The following BMERB1 variants were observed in gnomAD, a reference collection of about 807,000 sequenced individuals.
BMERB1 encodes the protein bMERB domain containing 1.
A neutral mutation model predicts 23.6 loss-of-function variants in BMERB1; 12 were observed. The observed-to-expected ratio is 0.51, with a 90% confidence interval of 0.33 to 0.82. The LOEUF (loss-of-function observed/expected upper bound fraction) is 0.82. BMERB1 is among the 40% of genes least tolerant of loss of function. BMERB1 has a pLI of 0.03. For missense variants in BMERB1, 247 were observed against 255.4 expected (o/e 0.97, Z 0.22); for synonymous variants, 122 against 96.6 (o/e 1.26, Z -1.54).
chr16:15,575,809 G>C (rs1285336022), intron 3 of BMERB1, among the ~76,000 whole-genome samples: 1 of 151,832 alleles, frequency 6.6e-6, no homozygotes, highest in Non-Finnish European at 1.5e-5. Flanking sequence ...ATTGGTCGCA[G>C]AAAGCTTTTG....
chr16:15,520,608 C>T lies in BMERB1; in HGVS notation c.230+5180C>T, dbSNP rs180927268. Among the ~76,000 whole-genome samples, 292 of 151,888 alleles carry T rather than the reference C, an allele frequency of 1.9e-3. 2 individuals are homozygous for T. Among genetic ancestry groups the T allele is most frequent in the Middle Eastern group, 0.017 (5 of 294 alleles). ...ACGCCATTCTCCTGCCTCAGCCTCC[C>T]GAGTAGCTGGGACTACAGGCGCCCG... On this transcript the variant is annotated intron_variant, in intron 2 of 5. Coordinates refer to ENST00000300006, the MANE Select transcript of BMERB1 (RefSeq NM_033201.3).
chr16:15,556,486 T>C (rs2030262335), intron 2 of BMERB1, among the ~76,000 whole-genome samples: 2 of 152,216 alleles, frequency 1.3e-5, no homozygotes, highest in Non-Finnish European at 2.9e-5. Context: ...GAGATCTGCA[T>C]TGAGATCTGG....
chr16:15,435,134 G>A (rs1343122472), intron 1 of BMERB1, among the ~76,000 whole-genome samples: 1 of 152,246 alleles, frequency 6.6e-6, no homozygotes, highest in East Asian at 1.9e-4. Context: ...CTGGAGACGC[G>A]GGACCGTCCT....
chr16:15,489,676 G>A (rs954589074), intron 1 of BMERB1, among the ~76,000 whole-genome samples: 1 of 152,156 alleles, frequency 6.6e-6, no homozygotes, highest in African/African-American at 2.4e-5. Context: ...ATTTTCTGAC[G>A]TGGGTCCTCC....
chr16:15,443,811 C>T (rs990751045), intron 1 of BMERB1, among the ~76,000 whole-genome samples: 1 of 151,794 alleles, frequency 6.6e-6, no homozygotes, highest in Non-Finnish European at 1.5e-5. Context: ...TCCAGCTACT[C>T]GGGAGCCTGA....
intron 3 of BMERB1, among the ~76,000 whole-genome samples, chr16:15,568,796 C>CT (rs2030648610): frequency 6.6e-6 from 1 of 152,136 alleles, no homozygotes; most frequent in Non-Finnish European, 1.5e-5. Context: ...TGTACAAACT[C>CT]TAACTTTGAA....
chr16:15,444,856 C>G (rs1296303196), intron 1 of BMERB1, among the ~76,000 whole-genome samples: 1 of 152,082 alleles, frequency 6.6e-6, no homozygotes, highest in African/African-American at 2.4e-5. Context: ...TGTATCTGTT[C>G]TCAATAATAA....
intron 3 of BMERB1, among the ~76,000 whole-genome samples, chr16:15,574,941 TG>T (rs903774325): frequency 6.6e-5 from 10 of 152,074 alleles, no homozygotes; most frequent in Non-Finnish European, 1.3e-4. Context: ...TAGCCGCGTG[TG>T]GTGGCGCCTG....
At chr16:15,529,015 G>GTGTTTGTT (rs369446865) in intron 2 of BMERB1, among the ~76,000 whole-genome samples, 6,258 of 151,580 alleles carry the variant, frequency 0.041, 417 homozygotes, top group African/African-American at 0.13. Context: ...TGAAAAATAA[G>GTGTTTGTT]TGTTTGTTTG....
At chr16:15,583,656 T>A (rs2031071925) in intron 5 of BMERB1, among the ~76,000 whole-genome samples, 1 of 149,190 alleles carries the variant, frequency 6.7e-6, no homozygotes, top group Admixed American at 6.7e-5. Context: ...TTTCTAGAGA[T>A]CAGATCTAGA....
chr16:15,566,791 C>T (rs1321528319), intron 2 of BMERB1, among the ~76,000 whole-genome samples: 2 of 152,022 alleles, frequency 1.3e-5, no homozygotes, highest in Admixed American at 6.6e-5. Flanking sequence ...ATGATCAAGA[C>T]TATTAAAGAT....
At chr16:15,499,417 C>CA (rs964451309) in intron 1 of BMERB1, among the ~76,000 whole-genome samples, 133 of 145,638 alleles carry the variant, frequency 9.1e-4, no homozygotes, top group Admixed American at 1.9e-3. Flanking sequence ...AAATAAAAAA[C>CA]AAAAAAAAAA....
chr16:15,554,738 C>T (rs764235195), intron 2 of BMERB1, among the ~76,000 whole-genome samples: 69 of 151,328 alleles, frequency 4.6e-4, no homozygotes, highest in Non-Finnish European at 2.2e-4. Context: ...ATGATCTCAG[C>T]GCACTGCAAG....
chr16:15,560,505 T>C (rs1471317789), intron 2 of BMERB1, among the ~76,000 whole-genome samples: 1 of 152,200 alleles, frequency 6.6e-6, no homozygotes, highest in Non-Finnish European at 1.5e-5. Flanking sequence ...TTACAAACTT[T>C]TATTGGCCAG....
intron 5 of BMERB1, chr16:15,584,309 C>T (rs1053262299): frequency 2.2e-5 from 8 of 359,254 alleles, no homozygotes; most frequent in Admixed American, 4.4e-5. Flanking sequence ...CCTGTAATGC[C>T]AGCACTTTGG....
intron 1 of BMERB1, among the ~76,000 whole-genome samples, chr16:15,504,884 C>T (rs2051570118): frequency 6.6e-6 from 1 of 152,012 alleles, no homozygotes; most frequent in African/African-American, 2.4e-5. Flanking sequence ...CCCTCATGTC[C>T]TTCCCTAAAT....
At chr16:15,550,813 C>A (rs1203721780) in intron 2 of BMERB1, among the ~76,000 whole-genome samples, 1 of 152,122 alleles carries the variant, frequency 6.6e-6, no homozygotes, top group African/African-American at 2.4e-5. Flanking sequence ...GCTGTCTGAT[C>A]TCGGGCGATT....
chr16:15,487,716 G>T (rs559856002), intron 1 of BMERB1, among the ~76,000 whole-genome samples: 2 of 152,310 alleles, frequency 1.3e-5, no homozygotes, highest in East Asian at 3.8e-4. Flanking sequence ...AACAAGGGGC[G>T]AATTATTCAT....
intron 1 of BMERB1, among the ~76,000 whole-genome samples, chr16:15,504,617 G>C (rs906668101): frequency 6.6e-6 from 1 of 151,616 alleles, no homozygotes; most frequent in African/African-American, 2.4e-5. Flanking sequence ...TCTGGCTAAT[G>C]TTTACATTTT....
Sources: allele counts gnomAD v4.1 joint callset (sites outside exome capture counted in the v4.1 genomes callset), GRCh38; gene constraint gnomAD v4.1.1; transcripts MANE v1.5; gene names NCBI Gene and HGNC (gene_info 2026-07-23, HGNC 2026-07-21).